Variants in CNTNAP5 observed in about 807,000 individuals in gnomAD.
The protein encoded by CNTNAP5 is contactin associated protein family member 5.
Under a neutral mutation model 150.2 loss-of-function variants are expected in CNTNAP5, and 72 were observed. The observed-to-expected ratio is 0.48, with a 90% confidence interval of 0.40 to 0.58. The LOEUF (loss-of-function observed/expected upper bound fraction) is 0.58, where lower values mean the gene tolerates loss of function less well. Among genes scored for constraint, CNTNAP5 ranks in the 20% least tolerant of loss-of-function variants. The probability of loss-of-function intolerance (pLI) is 0.00; values close to 1 mark genes in which losing one functional copy is unlikely to be tolerated. For synonymous variants in CNTNAP5, 672 were observed against 619.8 expected (o/e 1.08, Z -1.25); for missense variants, 1,636 against 1,626.2 (o/e 1.01, Z -0.10).
chr2:124,572,751 C>T (rs564565091), intron 11 of CNTNAP5, among the ~76,000 whole-genome samples: 7 of 152,148 alleles, frequency 4.6e-5, no homozygotes, highest in African/African-American at 9.7e-5. Flanking sequence ...TAGACTCCGG[C>T]GGCTCTTCAA....
intron 3 of CNTNAP5, among the ~76,000 whole-genome samples, chr2:124,369,230 T>G (rs1690456009): frequency 6.6e-6 from 1 of 152,146 alleles, no homozygotes; most frequent in African/African-American, 2.4e-5. Context: ...GCAGAGTCTT[T>G]GAATGCCTTT....
At chr2:124,896,235 G>A (rs1194989118) in intron 21 of CNTNAP5, among the ~76,000 whole-genome samples, 1 of 151,410 alleles carries the variant, frequency 6.6e-6, no homozygotes, top group South Asian at 2.1e-4. Flanking sequence ...AAGAAAATAT[G>A]TTTATCAAGG....
At chr2:124,237,434 G>T (rs1014906347) in intron 2 of CNTNAP5, among the ~76,000 whole-genome samples, 2 of 152,202 alleles carry the variant, frequency 1.3e-5, no homozygotes, top group African/African-American at 4.8e-5. Context: ...ACCCTAGTGT[G>T]TGCAGTTTGG....
chr2:124,615,865 A>C (rs1387186845), intron 12 of CNTNAP5, among the ~76,000 whole-genome samples: 2 of 152,238 alleles, frequency 1.3e-5, no homozygotes, highest in African/African-American at 4.8e-5. Context: ...GGAAAACAAC[A>C]TTAACCTCTT....
chr2:124,563,628 T>G (rs1695944680), intron 11 of CNTNAP5, among the ~76,000 whole-genome samples: 1 of 152,182 alleles, frequency 6.6e-6, no homozygotes, highest in Non-Finnish European at 1.5e-5. Flanking sequence ...GAGGGAGCTG[T>G]TAAGTCAATT....
At chr2:124,265,264 C>A (rs955566988) in intron 3 of CNTNAP5, among the ~76,000 whole-genome samples, 2 of 152,130 alleles carry the variant, frequency 1.3e-5, no homozygotes, top group Non-Finnish European at 2.9e-5. Flanking sequence ...TCTTTTCCAG[C>A]GCAGCTCATC....
intron 3 of CNTNAP5, among the ~76,000 whole-genome samples, chr2:124,391,800 CA>C (rs1464051656): frequency 6.6e-6 from 1 of 151,556 alleles, no homozygotes; most frequent in Non-Finnish European, 1.5e-5. Context: ...CTAAAAAATA[CA>C]AAAAATTAGC....
At chr2:124,146,846 T>C (rs1465568443) in intron 1 of CNTNAP5, among the ~76,000 whole-genome samples, 4 of 152,220 alleles carry the variant, frequency 2.6e-5, no homozygotes, top group South Asian at 4.1e-4. Context: ...TCTAAATTAA[T>C]GTATTATCTC....
intron 12 of CNTNAP5, among the ~76,000 whole-genome samples, chr2:124,640,043 C>T (rs1398701294): frequency 6.6e-6 from 1 of 152,010 alleles, no homozygotes; most frequent in African/African-American, 2.4e-5. Flanking sequence ...AGCCTGTTAG[C>T]GAAACTTGCA....
At chr2:124,299,188 C>T (rs1346044723) in intron 3 of CNTNAP5, among the ~76,000 whole-genome samples, 1 of 152,208 alleles carries the variant, frequency 6.6e-6, no homozygotes, top group East Asian at 1.9e-4. Flanking sequence ...CCAGGCTCTT[C>T]CCCACTGCAA....
intron 13 of CNTNAP5, among the ~76,000 whole-genome samples, chr2:124,741,495 C>T (rs1190302209): frequency 1.3e-5 from 2 of 152,180 alleles, no homozygotes; most frequent in Non-Finnish European, 2.9e-5. Flanking sequence ...GTGCAACTAA[C>T]CTGTTTGAAT....
chr2:124,278,125 C>T lies in CNTNAP5; in HGVS notation c.381+35732C>T, dbSNP rs538813792. Among the ~76,000 whole-genome samples, 3 of 152,204 alleles carry T rather than the reference C, an allele frequency of 2.0e-5. No individual in the cohort carries two copies. In the East Asian group the frequency reaches 5.8e-4, roughly 29 times the overall value. On this transcript the variant is annotated intron_variant, in intron 3 of 23. Coordinates refer to ENST00000682447, the MANE Select transcript of CNTNAP5 (RefSeq NM_001367498.1). ...TTCACAAATACAGATGAAGCCCATT[C>T]TTAAGTTATATGGGATAATAAGCTC...
intron 3 of CNTNAP5, among the ~76,000 whole-genome samples, chr2:124,388,266 C>T (rs1690984245): frequency 6.6e-6 from 1 of 152,192 alleles, no homozygotes; most frequent in South Asian, 2.1e-4. Context: ...GCTAGGCCAG[C>T]TGAAGCCTGG....
At chr2:124,313,677 T>C (rs1260958736) in intron 3 of CNTNAP5, among the ~76,000 whole-genome samples, 1 of 152,216 alleles carries the variant, frequency 6.6e-6, no homozygotes, top group Non-Finnish European at 1.5e-5. Context: ...ATTTAGATTG[T>C]GCCATTGTCT....
chr2:124,711,551 C>A (rs969923177), intron 13 of CNTNAP5, among the ~76,000 whole-genome samples: 1 of 152,042 alleles, frequency 6.6e-6, no homozygotes, highest in African/African-American at 2.4e-5. Flanking sequence ...ATGGCTTAAG[C>A]GATATGGATA....
At chr2:124,485,815 G>A (rs1218294422) in intron 7 of CNTNAP5, among the ~76,000 whole-genome samples, 1 of 151,974 alleles carries the variant, frequency 6.6e-6, no homozygotes, top group Non-Finnish European at 1.5e-5. Flanking sequence ...GAACCTGGAA[G>A]CATCTTCCAG....
intron 9 of CNTNAP5, among the ~76,000 whole-genome samples, chr2:124,526,606 A>G (rs960799839): frequency 6.6e-6 from 1 of 152,196 alleles, no homozygotes; most frequent in African/African-American, 2.4e-5. Context: ...TGCAAGCTAC[A>G]CTAAATCAGT....
intron 1 of CNTNAP5, among the ~76,000 whole-genome samples, chr2:124,055,429 T>A (rs959646775): frequency 5.9e-5 from 9 of 152,146 alleles, no homozygotes; most frequent in Non-Finnish European, 1.0e-4. Context: ...GGTTACTCCT[T>A]CTTCTTGGAT....
intron 3 of CNTNAP5, among the ~76,000 whole-genome samples, chr2:124,400,666 A>ATT (rs1573967848): frequency 1.2e-5 from 1 of 80,548 alleles, no homozygotes; most frequent in Non-Finnish European, 2.5e-5. Flanking sequence ...GGATAAAGGC[A>ATT]TTGTTTTTTT....
Sources: allele counts gnomAD v4.1 joint callset (sites outside exome capture counted in the v4.1 genomes callset), GRCh38; gene constraint gnomAD v4.1.1; transcripts MANE v1.5; gene names NCBI Gene and HGNC (gene_info 2026-07-23, HGNC 2026-07-21).